The following LRBA variants were observed in gnomAD, a reference collection of about 807,000 sequenced individuals.
The protein encoded by LRBA is LPS responsive beige-like anchor protein.
A neutral mutation model predicts 330.0 loss-of-function variants in LRBA; 176 were observed. The ratio of observed to expected loss-of-function variants is 0.53; its 90% CI spans 0.47 to 0.60. The LOEUF (loss-of-function observed/expected upper bound fraction) is 0.60. Ranked by LOEUF, LRBA falls within the 20% of genes least tolerant of loss-of-function variation. LRBA has a pLI of 0.00. For missense variants in LRBA, 3,259 were observed against 3,444.8 expected (o/e 0.95, Z 1.35); for synonymous variants, 1,230 against 1,193.0 (o/e 1.03, Z -0.64).
At chr4:150,692,600 AG>A (rs1784238734) in intron 36 of LRBA, among the ~76,000 whole-genome samples, 2 of 152,212 alleles carry the variant, frequency 1.3e-5, no homozygotes, top group Admixed American at 6.5e-5. Flanking sequence ...AGGCTCATAT[AG>A]CAAATAGGTA....
chr4:150,442,388 A>C (rs1751958785), intron 44 of LRBA, among the ~76,000 whole-genome samples: 1 of 152,218 alleles, frequency 6.6e-6, no homozygotes, highest in Non-Finnish European at 1.5e-5. Context: ...GTGGGTATAC[A>C]GAGGAGTGAA....
At chr4:150,587,513 G>A (rs532448737) in intron 40 of LRBA, among the ~76,000 whole-genome samples, 1 of 152,174 alleles carries the variant, frequency 6.6e-6, no homozygotes, top group East Asian at 1.9e-4. Flanking sequence ...TATTTTAAAG[G>A]GGAAATTACA....
intron 4 of LRBA, among the ~76,000 whole-genome samples, chr4:150,926,056 T>C (rs1215328665): frequency 1.3e-5 from 2 of 151,898 alleles, no homozygotes; most frequent in East Asian, 3.9e-4. Context: ...TCTCAGTGAG[T>C]TGGAAAGAAA....
chr4:150,657,192 G>C (rs1003832475), intron 37 of LRBA, among the ~76,000 whole-genome samples: 2 of 152,286 alleles, frequency 1.3e-5, no homozygotes, highest in Non-Finnish European at 2.9e-5. Context: ...TTACGAAGGA[G>C]ACATGTTTTT....
At chr4:150,936,862 T>C (rs763446838) in intron 2 of LRBA, among the ~76,000 whole-genome samples, 15 of 152,092 alleles carry the variant, frequency 9.9e-5, no homozygotes, top group Non-Finnish European at 1.5e-5. Context: ...GAGAGAGTTT[T>C]AATAGTGTGA....
intron 44 of LRBA, 121 bp downstream of exon 44, chr4:150,467,550 AAT>A: frequency 1.8e-6 from 1 of 569,596 alleles, no homozygotes; most frequent in Non-Finnish European, 3.1e-6. Context: ...TTTAAGAGAT[AAT>A]TATATTAAAG....
rs745635503 is a variant in LRBA, at chr4:150,583,857, G to A, written c.6330+4191C>T. On this transcript the variant is annotated intron_variant, in intron 40 of 56. Transcript: ENST00000651943. This position sits in a 1 kb window ranked among gnomAD's most constrained non-coding sequence, Gnocchi z 9.8. The stretch of plus-strand genomic sequence containing the variant: ...CGCTCAACAACTACCACATGAAGAC[G>A]CTGCTGCTGTACGAGTGCGAGAAAC... 1 of 1,614,026 alleles carries A rather than the reference G, an allele frequency of 6.2e-7. No homozygotes were observed.
intron 53 of LRBA, among the ~76,000 whole-genome samples, chr4:150,291,591 G>A (rs1209408738): frequency 1.1e-5 from 1 of 88,626 alleles, no homozygotes; most frequent in African/African-American, 4.2e-5. Context: ...TGGAGAGGAT[G>A]TGGAGAAATA....
intron 36 of LRBA, among the ~76,000 whole-genome samples, chr4:150,689,225 C>T (rs138192810): frequency 0.049 from 7,501 of 152,162 alleles, 237 homozygotes; most frequent in Non-Finnish European, 0.08. Flanking sequence ...AACCAAACAC[C>T]GCATGTTCTC....
chr4:150,265,720 C>T lies in LRBA; in HGVS notation c.*2G>A. The T allele has an allele frequency of 6.2e-7, 1 of 1,601,414 alleles. No homozygotes were observed. Among genetic ancestry groups the T allele is most frequent in the Non-Finnish European group, 8.6e-7 (1 of 1,168,410 alleles). On this transcript the variant is annotated 3_prime_UTR_variant, in exon 57 of 57. Transcript: ENST00000651943. ...GGCAGAGTTGATGTACAGCTGTCAC[C>T]ATCAGTAGCGGGTTTGGTATTCATG...
chr4:150,697,853 G>A (rs1784779788), intron 36 of LRBA, among the ~76,000 whole-genome samples: 1 of 151,654 alleles, frequency 6.6e-6, no homozygotes, highest in African/African-American at 2.4e-5. Context: ...AACACCTTTA[G>A]CACTGATGCC....
chr4:150,966,003 C>T (rs1222618423), intron 2 of LRBA, among the ~76,000 whole-genome samples: 3 of 152,144 alleles, frequency 2.0e-5, no homozygotes, highest in African/African-American at 7.2e-5. Flanking sequence ...ATATATTTGA[C>T]AGACCAGAAA....
intron 34 of LRBA, among the ~76,000 whole-genome samples, chr4:150,787,641 A>G (rs867211980): frequency 6.6e-6 from 1 of 152,208 alleles, no homozygotes; most frequent in Non-Finnish European, 1.5e-5. Flanking sequence ...CATCCCCTCA[A>G]GCGTTTATCC....
intron 30 of LRBA, among the ~76,000 whole-genome samples, chr4:150,824,566 T>C (rs955788377): frequency 3.9e-5 from 6 of 152,148 alleles, no homozygotes; most frequent in African/African-American, 1.4e-4. Context: ...TTATGGCTTT[T>C]TATTGTGTTA....
At position 150,295,591 on chromosome 4, in the gene LRBA, A is replaced by G. The variant is rs538721295; in HGVS notation, c.8017+7034T>C. Among the ~76,000 whole-genome samples the G allele has an allele frequency of 5.6e-4, 86 of 152,310 alleles. 1 individual carries two copies. The highest frequency in any genetic ancestry group is 2.0e-3 in the African/African-American group (84 of 41,570). ...TAAAGTATGATGAAGAAAATGAAAA[A>G]TTGCTTCCAAATCCCACTACCTATA... is the stretch of plus-strand genomic sequence containing the variant. On this transcript the variant is annotated intron_variant, in intron 53 of 56. Coordinates refer to ENST00000651943, the MANE Select transcript of LRBA (RefSeq NM_001364905.1).
At chr4:150,698,866 G>C (rs1784855252) in intron 36 of LRBA, among the ~76,000 whole-genome samples, 1 of 152,140 alleles carries the variant, frequency 6.6e-6, no homozygotes, top group Admixed American at 6.5e-5. Context: ...TTTTCAAAAA[G>C]CTAAAGTTGA....
intron 37 of LRBA, among the ~76,000 whole-genome samples, chr4:150,630,277 C>T (rs1777248105): frequency 6.6e-6 from 1 of 152,132 alleles, no homozygotes; most frequent in African/African-American, 2.4e-5. Flanking sequence ...TCAAAAAGAA[C>T]TACCAGAATG....
rs1741441508 is a variant in LRBA at position 150,986,160 on chromosome 4, T to A, written c.216+28267A>T. Among the ~76,000 whole-genome samples, 4 of 152,272 alleles carry A rather than the reference T, an allele frequency of 2.6e-5. No homozygotes were observed. In the South Asian group the frequency reaches 8.3e-4, roughly 32 times the overall value. On this transcript the variant is annotated intron_variant, in intron 2 of 56. Transcript: ENST00000651943. ...TCAGGTCATCAGAATCTGAAAATTA[T>A]ACATTAAAATAGCAGTCCCCAACCT... is the stretch of plus-strand genomic sequence containing the variant.
chr4:150,612,827 A>G (rs1323164801), intron 37 of LRBA, among the ~76,000 whole-genome samples: 3 of 152,194 alleles, frequency 2.0e-5, no homozygotes, highest in African/African-American at 7.2e-5. Context: ...AATCCACACC[A>G]TAAGAAAAGT....
Sources: gnomAD v4.1 joint callset for allele counts (sites outside exome capture counted in the v4.1 genomes callset) on GRCh38, gnomAD v4.1.1 for gene constraint, Gnocchi (gnomAD v3.1) non-coding constraint, MANE v1.5 for transcripts, NCBI Gene and HGNC (gene_info 2026-07-23, HGNC 2026-07-21) for gene names.